GBP6: variants seen among roughly 807,000 people sequenced by gnomAD.
The protein encoded by GBP6 is guanylate-binding protein 6.
Under a neutral mutation model 61.5 loss-of-function variants are expected in GBP6, and 54 were observed. That is an observed-to-expected ratio of 0.88 (90% CI 0.71 to 1.10). The LOEUF is 1.10. Among genes scored for constraint, GBP6 ranks in the 50% least tolerant of loss-of-function variants. GBP6 has a pLI of 0.00. For missense variants in GBP6, 748 were observed against 752.8 expected (o/e 0.99, Z 0.07); for synonymous variants, 255 against 273.7 (o/e 0.93, Z 0.67).
intron 1 of GBP6, among the ~76,000 whole-genome samples, chr1:89,364,995 A>G (rs1048278250): frequency 2.1e-5 from 1 of 47,832 alleles, no homozygotes; most frequent in Non-Finnish European, 4.4e-5. Flanking sequence ...TCCCACCCCC[A>G]CCCCCAGCGC....
chr1:89,368,730 G>T lies in GBP6; in HGVS notation c.179G>T (p.Gly60Val). 4 of 1,612,616 alleles carry T rather than the reference G, an allele frequency of 2.5e-6. No homozygotes were observed. The highest frequency in any genetic ancestry group is 3.4e-6 in the Non-Finnish European group (4 of 1,178,964). ...TCCTACTTGATGAACCATCTGGCAG[G>T]ACAGAATCATGGTAAGTGGTATCCT... ...GKSYLMNHLAGQNHGFPLGST... is the reference protein window; with the variant it reads ...GKSYLMNHLAVQNHGFPLGST... The change falls in exon 2 of 11, where the codon GGA becomes GTA. Residue 60 changes from glycine to valine, a missense_variant. Coordinates refer to ENST00000370456, the MANE Select transcript of GBP6 (RefSeq NM_198460.3).
At position 89,387,281 on chromosome 1, in the gene GBP6, A is replaced by C. The variant is rs1166763819; in HGVS notation, c.*1812A>C. Among the ~76,000 whole-genome samples the C allele has an allele frequency of 6.6e-6, 1 of 152,176 alleles. No individual in the cohort carries two copies. Among genetic ancestry groups the C allele is most frequent in the Non-Finnish European group, 1.5e-5 (1 of 68,028 alleles). On this transcript the variant is annotated 3_prime_UTR_variant, in exon 11 of 11. Coordinates refer to ENST00000370456, the MANE Select transcript of GBP6 (RefSeq NM_198460.3). ...TATTTCAAGGACCCTTGGAATCAGG[A>C]TCCAAGTTGCCCATGGTACCTAGAT...
rs1387742713 is a variant in GBP6, at chr1:89,383,652, G to A, written c.1366G>A (p.Ala456Thr). The change falls in exon 9 of 11, where the codon GCA (alanine) becomes ACA (threonine). Residue 456 changes from alanine (A) to threonine (T), a missense_variant and splice_region_variant. Ala to Thr is a moderately conservative substitution (Grantham distance 58). Transcript: ENST00000370456. The part of the protein sequence containing the change: ...YWQVPRKGVK[A>T]KEVFQRFLES... Reference sequence around the variant, plus strand: ...TAAGTGCTTTTTCTTCCTTCCATAGGCAAAAGAGGTCTTCCAGAGGTTCCT... The same window carrying A: ...TAAGTGCTTTTTCTTCCTTCCATAGACAAAAGAGGTCTTCCAGAGGTTCCT... 1.9e-6 allele frequency: 3 copies of A among 1,600,386 alleles called. No homozygotes were observed. The highest frequency in any genetic ancestry group is 2.6e-6 in the Non-Finnish European group (3 of 1,174,542).
intron 6 of GBP6, among the ~76,000 whole-genome samples, chr1:89,380,884 A>G (rs1375515477): frequency 2.6e-5 from 4 of 152,156 alleles, no homozygotes. Context: ...AAAATAACTA[A>G]CTGAATATAA....
chr1:89,372,979 A>C (rs1226866197), intron 3 of GBP6, among the ~76,000 whole-genome samples: 1 of 152,220 alleles, frequency 6.6e-6, no homozygotes, highest in Non-Finnish European at 1.5e-5. Flanking sequence ...AAAAAAACAA[A>C]CAACCCCATC....
rs1030671613 is a variant in GBP6, at chr1:89,378,670, A to G, written c.625+57A>G. 9.2e-6 allele frequency: 12 copies of G among 1,307,576 alleles called. No homozygotes were observed. In the African/African-American group the frequency reaches 1.8e-4, roughly 19 times the overall value. 81.0% of individuals were successfully genotyped at this position (1,307,576 alleles called of 1,614,324 possible). A position where few individuals can be genotyped will look rare whatever the true frequency, so the allele number is the denominator to read the frequency against. On this transcript the variant is annotated intron_variant, in intron 5 of 10. Coordinates refer to ENST00000370456, the MANE Select transcript of GBP6 (RefSeq NM_198460.3). ...CCACTGGGTGTGTGATCTGCTAAAC[A>G]CTGCCCATCATCTCTGGGGTTTCAT...
Position 89,384,143 on chromosome 1 carries a change from CAG to C in GBP6, c.1521_1522del (p.Lys508IlefsTer13). 3 of 1,614,022 alleles carry C rather than the reference CAG, an allele frequency of 1.9e-6. No homozygotes were observed. Among genetic ancestry groups the C allele is most frequent in the Non-Finnish European group, 2.5e-6 (3 of 1,179,962 alleles). On this transcript the variant is annotated frameshift_variant, in exon 10 of 11. Coordinates refer to ENST00000370456, the MANE Select transcript of GBP6 (RefSeq NM_198460.3). LOFTEE classifies it high-confidence loss of function. ...TGAGAAGGAACAGGAACTTTTAAAACAGAAATTACAGGAGCAGCAGCAACAGA... is the reference window on the plus strand; with the variant it reads ...TGAGAAGGAACAGGAACTTTTAAAACAAATTACAGGAGCAGCAGCAACAGA... ...AAEKEQELLK[Q>X]KLQEQQQQME...
rs899208817 is a variant in GBP6, at chr1:89,381,913, T to C, written c.1091T>C (p.Ile364Thr). The change falls in exon 7 of 11, where the codon ATT becomes ACT. Residue 364 changes from isoleucine to threonine, a missense_variant. Physicochemically the swap from Ile to Thr is moderately conservative, Grantham distance 89. Coordinates refer to ENST00000370456, the MANE Select transcript of GBP6 (RefSeq NM_198460.3). ...CATGCGGCCTGTGAGAGGGAAGCCATTGCAATCTTCATGGAGCACTCCTTC... is the reference window on the plus strand; with the variant it reads ...CATGCGGCCTGTGAGAGGGAAGCCACTGCAATCTTCATGGAGCACTCCTTC... ...DMHAACEREA[I>T]AIFMEHSFKD... The C allele has an allele frequency of 2.5e-6, 4 of 1,614,010 alleles. No individual in the cohort carries two copies. Among genetic ancestry groups the C allele is most frequent in the African/African-American group, 1.3e-5 (1 of 74,910 alleles).
chr1:89,367,380 TG>T (rs1481806422), intron 1 of GBP6, among the ~76,000 whole-genome samples: 1 of 152,198 alleles, frequency 6.6e-6, no homozygotes, highest in Non-Finnish European at 1.5e-5. Context: ...GGGTCTAACA[TG>T]TACCTCATTG....
chr1:89,371,353 A>T (rs955953192), intron 3 of GBP6, among the ~76,000 whole-genome samples: 5 of 152,160 alleles, frequency 3.3e-5, no homozygotes, highest in Non-Finnish European at 7.3e-5. Flanking sequence ...CAGAGACACA[A>T]CAACAAAAAA....
intron 1 of GBP6, among the ~76,000 whole-genome samples, chr1:89,365,080 G>A (rs1195877068): frequency 6.8e-6 from 1 of 148,102 alleles, no homozygotes; most frequent in Non-Finnish European, 1.5e-5. Context: ...GCAGTTTTTG[G>A]TTTTCTGTTC....
rs763873555 is a variant in GBP6 at position 89,368,511 on chromosome 1, C to T, written c.-23-18C>T. The T allele has an allele frequency of 1.4e-5, 22 of 1,565,260 alleles. No homozygotes were observed. Among genetic ancestry groups the T allele is most frequent in the Middle Eastern group, 1.8e-4 (1 of 5,694 alleles). On this transcript the variant is annotated intron_variant, in intron 1 of 10. Coordinates refer to ENST00000370456, the MANE Select transcript of GBP6 (RefSeq NM_198460.3). ...ACTGAGACAGAGAATGACAATGTAA[C>T]GTTATTTCTACTGGGAGGCTCTTCT...
At position 89,384,255 on chromosome 1, in the gene GBP6, A is replaced by G. The variant is rs759848993; in HGVS notation, c.1631A>G (p.Glu544Gly). 5 of 1,613,622 alleles carry G rather than the reference A, an allele frequency of 3.1e-6. No individual in the cohort carries two copies. The South Asian group carries it at 5.5e-5, about 18-fold the overall frequency. Residue 544 changes from glutamate to glycine, a missense_variant, in exon 10 of 11, where the codon GAG becomes GGG. Coordinates refer to ENST00000370456, the MANE Select transcript of GBP6 (RefSeq NM_198460.3). ...LQMEREHLLR[E>G]QIMMLEHTQK... ...ATGGAGAGAGAACACCTACTGAGAG[A>G]GCAGATTATGATGTTGGAGCACACG... is the stretch of plus-strand genomic sequence containing the variant.
intron 2 of GBP6, 93 bp from the exon 3 acceptor site, chr1:89,369,453 G>A: frequency 2.1e-6 from 3 of 1,416,422 alleles, no homozygotes; most frequent in Non-Finnish European, 2.9e-6. Flanking sequence ...TGTATGTTGG[G>A]GTAGTTACAA....
In GBP6 at chr1:89,386,924, G is replaced by T. The variant is rs1034353513; in HGVS notation, c.*1455G>T. Among the ~76,000 whole-genome samples, 2 of 152,220 alleles carry T rather than the reference G, an allele frequency of 1.3e-5. No individual in the cohort carries two copies. Among genetic ancestry groups the T allele is most frequent in the African/African-American group, 4.8e-5 (2 of 41,458 alleles). ...GATTCAGTTATAGTAATGAGTGGCA[G>T]ACTGCAAGGCCTGATGGAGATAATT... On this transcript the variant is annotated 3_prime_UTR_variant, in exon 11 of 11. Coordinates refer to ENST00000370456, the MANE Select transcript of GBP6 (RefSeq NM_198460.3).
intron 10 of GBP6, 38 bp from the exon 11 acceptor site, chr1:89,385,192 T>C: frequency 6.4e-7 from 1 of 1,569,466 alleles, no homozygotes; most frequent in Non-Finnish European, 8.7e-7. Flanking sequence ...AGAATAGGGA[T>C]TTTTAAAAAT....
At chr1:89,377,959 A>T in intron 3 of GBP6, 144 bp from the exon 4 acceptor site, 1 of 711,296 alleles carries the variant, frequency 1.4e-6, no homozygotes, top group Non-Finnish European at 2.3e-6. Context: ...ATATTGTAAC[A>T]AACTGTTGTT....
At chr1:89,369,191 T>A (rs1312878885) in intron 2 of GBP6, among the ~76,000 whole-genome samples, 3 of 152,212 alleles carry the variant, frequency 2.0e-5, no homozygotes, top group Admixed American at 6.5e-5. Context: ...CAAAAAAAGA[T>A]CTCAATTTCC....
At chr1:89,377,235 GC>G (rs1652832903) in intron 3 of GBP6, among the ~76,000 whole-genome samples, 2 of 152,182 alleles carry the variant, frequency 1.3e-5, no homozygotes, top group Admixed American at 1.3e-4. Context: ...AGGTACTGGA[GC>G]TCCCTATTCA....
Sources: gnomAD v4.1 joint callset for allele counts (sites outside exome capture counted in the v4.1 genomes callset) on GRCh38, gnomAD v4.1.1 for gene constraint, MANE v1.5 for transcripts, NCBI Gene and HGNC (gene_info 2026-07-23, HGNC 2026-07-21) for gene names.